The following RRM2 variants were observed in gnomAD, a reference collection of about 807,000 sequenced individuals.
The protein encoded by RRM2 is ribonucleoside-diphosphate reductase subunit M2.
A neutral mutation model predicts 45.9 loss-of-function variants in RRM2; 6 were observed. That is an observed-to-expected ratio of 0.13 (90% CI 0.07 to 0.26). The LOEUF (loss-of-function observed/expected upper bound fraction) is 0.26, where lower values mean the gene tolerates loss of function less well. Ranked by LOEUF, RRM2 falls within the 10% of genes least tolerant of loss-of-function variation. The probability of loss-of-function intolerance (pLI) is 1.00; values close to 1 mark genes in which losing one functional copy is unlikely to be tolerated. For missense variants in RRM2, 343 were observed against 489.5 expected (o/e 0.70, Z 2.82); for synonymous variants, 177 against 173.0 (o/e 1.02, Z -0.18).
intron 3 of RRM2, among the ~76,000 whole-genome samples, chr2:10,184,230 T>C (rs1664119391): frequency 6.6e-6 from 1 of 152,020 alleles, no homozygotes. Flanking sequence ...CATTAGATCT[T>C]GGACCAGCAC....
intron 3 of RRM2, among the ~76,000 whole-genome samples, chr2:10,151,058 A>G (rs1572503580): frequency 6.6e-6 from 1 of 151,956 alleles, no homozygotes; most frequent in African/African-American, 2.4e-5. Flanking sequence ...CAGGTGATCC[A>G]CCCGCCTTGG....
rs35438376 is a variant in RRM2 at position 10,169,147 on chromosome 2, ATT to A, written n.482+26786_482+26787del. Among the ~76,000 whole-genome samples, 8,597 of 137,486 alleles carry A rather than the reference ATT, an allele frequency of 0.063. 262 individuals carry two copies. Among genetic ancestry groups the A allele is most frequent in the Middle Eastern group, 0.093 (25 of 268 alleles). 90.2% of individuals were successfully genotyped at this position (137,486 alleles called of 152,430 possible). A position where few individuals can be genotyped will look rare whatever the true frequency, so the allele number is the denominator to read the frequency against. ...GTCACCATGCCCAGCTACTTTTTGT[ATT>A]TTTTTTTTTTTTTGTAGAGATGGGG... On this transcript the variant is annotated intron_variant and non_coding_transcript_variant, in intron 3 of 3. Coordinates refer to the RRM2 transcript ENST00000381786. This position sits in a 1 kb window ranked among gnomAD's most constrained non-coding sequence, Gnocchi z 5.1.
At chr2:10,149,951 G>A (rs1395007670) in intron 3 of RRM2, among the ~76,000 whole-genome samples, 1 of 152,218 alleles carries the variant, frequency 6.6e-6, no homozygotes. Context: ...CATCTGTGTG[G>A]TATTTCCTGC....
intron 3 of RRM2, among the ~76,000 whole-genome samples, chr2:10,162,604 C>T (rs1015596228): frequency 3.9e-5 from 6 of 152,136 alleles, no homozygotes. Flanking sequence ...TCACTTTTTT[C>T]TGGGAGGGAT....
chr2:10,153,463 T>C (rs73169328), intron 3 of RRM2, among the ~76,000 whole-genome samples: 10,356 of 152,192 alleles, frequency 0.068, 383 homozygotes, highest in Middle Eastern at 0.1. Flanking sequence ...GAGATTGGGG[T>C]TTATTTTTCT....
intron 3 of RRM2, among the ~76,000 whole-genome samples, chr2:10,210,156 C>T (rs935437890): frequency 2.0e-5 from 3 of 152,320 alleles, no homozygotes; most frequent in East Asian, 3.9e-4. Context: ...CTCTGTGGAC[C>T]TTTCTCCCTC....
At chr2:10,140,523 G>A (rs938359880), upstream of RRM2, among the ~76,000 whole-genome samples, 5 of 152,190 alleles carry the variant, frequency 3.3e-5, no homozygotes, top group African/African-American at 1.2e-4. Flanking sequence ...AGTAGTGGAT[G>A]GCATTGGTGG....
At chr2:10,153,708 A>G (rs1361988158) in intron 3 of RRM2, among the ~76,000 whole-genome samples, 1 of 152,196 alleles carries the variant, frequency 6.6e-6, no homozygotes, top group Non-Finnish European at 1.5e-5. Flanking sequence ...CCTACCTTTA[A>G]TCCAAAAATG....
At chr2:10,158,171 G>A (rs1663473700) in intron 3 of RRM2, among the ~76,000 whole-genome samples, 1 of 152,214 alleles carries the variant, frequency 6.6e-6, no homozygotes, top group Admixed American at 6.5e-5. Context: ...AAGGCTCAGA[G>A]AATCCAGGTC....
chr2:10,194,183 G>A (rs1282452144), intron 3 of RRM2, among the ~76,000 whole-genome samples: 5 of 152,182 alleles, frequency 3.3e-5, no homozygotes, highest in Non-Finnish European at 2.9e-5. Context: ...GAAAAGCTTC[G>A]AAGAGGAAGG....
chr2:10,187,719 C>T (rs189080677), intron 3 of RRM2, among the ~76,000 whole-genome samples: 50 of 152,286 alleles, frequency 3.3e-4, no homozygotes, highest in African/African-American at 1.2e-3. Flanking sequence ...GCAGATGGGC[C>T]GGGCTGAGCC....
chr2:10,199,981 T>C (rs918427403), intron 3 of RRM2, among the ~76,000 whole-genome samples: 2 of 151,870 alleles, frequency 1.3e-5, no homozygotes, highest in Non-Finnish European at 2.9e-5. Context: ...TACAGGCATG[T>C]GCCACCATGC....
chr2:10,126,998 C>T (rs772043973), intron 6 of RRM2, 29 bp downstream of exon 6: 1 of 1,611,928 alleles, frequency 6.2e-7, no homozygotes, highest in Non-Finnish European at 8.5e-7. Flanking sequence ...CTACTTAAAC[C>T]TGAGCTTCAT....
intron 7 of RRM2, among the ~76,000 whole-genome samples, chr2:10,128,350 T>C (rs551558651): frequency 1.3e-5 from 2 of 152,358 alleles, no homozygotes; most frequent in Admixed American, 6.5e-5. Flanking sequence ...AAATCAAATA[T>C]GGTTACCTTG....
At chr2:10,206,976 C>T (rs370654063) in intron 3 of RRM2, among the ~76,000 whole-genome samples, 1 of 152,270 alleles carries the variant, frequency 6.6e-6, no homozygotes, top group East Asian at 1.9e-4. Flanking sequence ...CACTAAAGGG[C>T]CTCCACACCA....
Position 10,126,606 on chromosome 2 carries a change from T to C in RRM2, c.570-269T>C, listed in dbSNP as rs1224667062. On this transcript the variant is annotated intron_variant, in intron 5 of 9. Transcript: ENST00000304567. Reference sequence around the variant, plus strand: ...ATGTCCCTGCTGTACTGGACTATGTTTTACTGTCTGTAGACCCTGAAGCTC... The same window carrying C: ...ATGTCCCTGCTGTACTGGACTATGTCTTACTGTCTGTAGACCCTGAAGCTC... 2.0e-5 allele frequency: 9 copies of C among 451,458 alleles called. No homozygotes were observed. In the East Asian group the frequency reaches 3.2e-4, roughly 16 times the overall value. The allele number at this position is 451,458 out of a possible 1,614,324, so 28.0% of individuals were successfully genotyped here.
intron 3 of RRM2, among the ~76,000 whole-genome samples, chr2:10,153,803 GTA>G (rs1663368284): frequency 6.6e-6 from 1 of 152,178 alleles, no homozygotes. Flanking sequence ...ACACAGACCA[GTA>G]TAGTGGCTTA....
intron 3 of RRM2, among the ~76,000 whole-genome samples, chr2:10,152,708 C>A (rs1326910319): frequency 6.6e-6 from 1 of 151,896 alleles, no homozygotes; most frequent in South Asian, 2.1e-4. Context: ...GTCTCGAACT[C>A]TTCACCTCAG....
chr2:10,123,650 C>A, intron 3 of RRM2, 86 bp from the exon 4 acceptor site: 2 of 1,422,518 alleles, frequency 1.4e-6, no homozygotes, highest in Non-Finnish European at 2.0e-6. Context: ...GTGGTGCCAG[C>A]ATACTTAAAG....
Sources: allele counts gnomAD v4.1 joint callset (sites outside exome capture counted in the v4.1 genomes callset), GRCh38; gene constraint gnomAD v4.1.1; non-coding constraint Gnocchi (gnomAD v3.1); transcripts MANE v1.5; gene names NCBI Gene and HGNC (gene_info 2026-07-23, HGNC 2026-07-21).